TTYH2: variants seen among roughly 807,000 people sequenced by gnomAD.
TTYH2 encodes the protein protein tweety homolog 2.
In TTYH2, 49 loss-of-function variants were observed where a neutral mutation model predicts 68.3. The ratio of observed to expected loss-of-function variants is 0.72; its 90% CI spans 0.57 to 0.91. TTYH2 has a LOEUF of 0.91. Among genes scored for constraint, TTYH2 ranks in the 40% least tolerant of loss-of-function variants. TTYH2 has a pLI of 0.00. For missense variants in TTYH2, 631 were observed against 700.4 expected (o/e 0.90, Z 1.12); for synonymous variants, 272 against 300.8 (o/e 0.90, Z 0.99).
intron 2 of TTYH2, among the ~76,000 whole-genome samples, chr17:74,223,285 T>TGG (rs1555597190): frequency 5.9e-5 from 7 of 117,788 alleles, no homozygotes; most frequent in African/African-American, 2.4e-4. Context: ...GCTTTTTTTT[T>TGG]GGGGGGCGGG....
intron 13 of TTYH2, among the ~76,000 whole-genome samples, chr17:74,254,559 G>A (rs964547517): frequency 1.3e-5 from 2 of 152,206 alleles, no homozygotes; most frequent in Non-Finnish European, 2.9e-5. Context: ...TAAGTGAACT[G>A]TCACTGAGAA....
chr17:74,247,335 C>G (rs79409348), intron 6 of TTYH2, among the ~76,000 whole-genome samples: 2,242 of 152,254 alleles, frequency 0.015, 61 homozygotes, highest in African/African-American at 0.051. Context: ...TGGACCATTT[C>G]GACATGCACA....
Position 74,260,906 on chromosome 17 carries a change from C to T in TTYH2, c.*697C>T, listed in dbSNP as rs2050744253. Reference sequence around the variant, plus strand: ...AAGCCTGCCACATTCCGCCTGTCTCCCTAACCCTCCATTGCCTCGCCTCTA... The same window carrying T: ...AAGCCTGCCACATTCCGCCTGTCTCTCTAACCCTCCATTGCCTCGCCTCTA... On this transcript the variant is annotated 3_prime_UTR_variant, in exon 14 of 14. Transcript: ENST00000269346. 6.5e-6 allele frequency: 1 copy of T among 153,174 alleles called. No individual in the cohort carries two copies. Among genetic ancestry groups the T allele is most frequent in the Non-Finnish European group, 1.5e-5 (1 of 68,446 alleles). 9.5% of individuals were successfully genotyped at this position (153,174 alleles called of 1,614,324 possible). A position where few individuals can be genotyped will look rare whatever the true frequency, so the allele number is the denominator to read the frequency against.
intron 1 of TTYH2, among the ~76,000 whole-genome samples, chr17:74,220,066 A>T (rs1461402960): frequency 1.3e-5 from 2 of 151,490 alleles, no homozygotes; most frequent in East Asian, 3.9e-4. Flanking sequence ...GGCTAGACTC[A>T]AACTCCTGGG....
At chr17:74,251,976 C>T (rs769033499) in intron 10 of TTYH2, 91 of 485,528 alleles carry the variant, frequency 1.9e-4, no homozygotes, top group Admixed American at 3.7e-4. Context: ...CAACCTCCTC[C>T]GCCCTGTTCA....
rs1233949762 is a variant in TTYH2 at position 74,215,005 on chromosome 17, G to A, written c.129+1289G>A. ...AGGACCCCTTCCTGGGGTTCAGTGGGCACTCAGGAGCAAGACGGCAGTCGG... is the reference window on the plus strand; with the variant it reads ...AGGACCCCTTCCTGGGGTTCAGTGGACACTCAGGAGCAAGACGGCAGTCGG... On this transcript the variant is annotated intron_variant, in intron 1 of 13. Coordinates refer to ENST00000269346, the MANE Select transcript of TTYH2 (RefSeq NM_032646.6). The surrounding 1 kb of genome is among the most constrained non-coding windows in gnomAD (Gnocchi z 4.3). Among the ~76,000 whole-genome samples the A allele has an allele frequency of 6.6e-6, 1 of 152,116 alleles. No individual in the cohort carries two copies. The highest frequency in any genetic ancestry group is 1.9e-4 in the East Asian group (1 of 5,182).
At chr17:74,225,555 C>T (rs893842685) in intron 2 of TTYH2, among the ~76,000 whole-genome samples, 2 of 152,096 alleles carry the variant, frequency 1.3e-5, no homozygotes, top group African/African-American at 4.8e-5. Flanking sequence ...ACCGGGTGAC[C>T]GAAGAGCTCA....
intron 2 of TTYH2, among the ~76,000 whole-genome samples, chr17:74,223,913 C>T (rs1352897242): frequency 1.3e-5 from 2 of 152,162 alleles, no homozygotes; most frequent in Non-Finnish European, 2.9e-5. Context: ...CTCACCTAAG[C>T]CAAAACGCAG....
chr17:74,244,878 GTGTGTT>G (rs1567818113), intron 6 of TTYH2, among the ~76,000 whole-genome samples: 1 of 134,800 alleles, frequency 7.4e-6, no homozygotes, highest in Non-Finnish European at 1.6e-5. Context: ...GTGTGTGTGT[GTGTGTT>G]TGTGTGTGTG....
rs760290203 is a variant in TTYH2 at position 74,253,741 on chromosome 17, T to C, written c.1446-14T>C. ...CACACCATCCCCTCCTGAGCTCTCC[T>C]CTCATCCCCGCAGGAACCAAGCCAT... On this transcript the variant is annotated splice_polypyrimidine_tract_variant and intron_variant, in intron 12 of 13. Coordinates refer to ENST00000269346, the MANE Select transcript of TTYH2 (RefSeq NM_032646.6). The C allele has an allele frequency of 3.1e-6, 5 of 1,613,758 alleles. No individual in the cohort carries two copies. The highest frequency in any genetic ancestry group is 4.2e-6 in the Non-Finnish European group (5 of 1,179,938).
At chr17:74,245,992 C>T (rs187669238) in intron 6 of TTYH2, among the ~76,000 whole-genome samples, 95 of 152,232 alleles carry the variant, frequency 6.2e-4, no homozygotes, top group African/African-American at 2.0e-3. Context: ...GAGGGAGCAG[C>T]GGAGCTCCAA....
At position 74,249,015 on chromosome 17, in the gene TTYH2, C is replaced by T; in HGVS notation, c.809C>T (p.Thr270Ile). ...LAADGSAAVA[T>I]SDFCVAPDTF... is the part of the protein sequence containing the mutation. ...GTCCCTCTCTCCCTCACTCAGGCCA[C>T]CAGTGACTTCTGTGTGGCTCCTGAC... The change falls in exon 7 of 14, where the codon ACC (threonine) becomes ATC (isoleucine). Residue 270 changes from threonine (T) to isoleucine (I), a missense_variant. Coordinates refer to ENST00000269346, the MANE Select transcript of TTYH2 (RefSeq NM_032646.6). 1 of 1,614,172 alleles carries T rather than the reference C, an allele frequency of 6.2e-7. No individual in the cohort carries two copies. The highest frequency in any genetic ancestry group is 8.5e-7 in the Non-Finnish European group (1 of 1,180,020).
chr17:74,231,912 C>T (rs1474007430), intron 3 of TTYH2, among the ~76,000 whole-genome samples: 3 of 152,132 alleles, frequency 2.0e-5, no homozygotes, highest in African/African-American at 7.2e-5. Context: ...GAGCCTTTTG[C>T]TGGGGCTGCC....
In TTYH2 at chr17:74,214,243, A is replaced by G. The variant is rs1031605267; in HGVS notation, c.129+527A>G. On this transcript the variant is annotated intron_variant, in intron 1 of 13. Coordinates refer to ENST00000269346, the MANE Select transcript of TTYH2 (RefSeq NM_032646.6). The surrounding 1 kb of genome is among the most constrained non-coding windows in gnomAD (Gnocchi z 4.6). ...CCCCTCCTCCCCAGCCCCGGCCTGC[A>G]GGGTGGGAGTCTCAGCTGGAAGGCT... is the stretch of plus-strand genomic sequence containing the variant. Among the ~76,000 whole-genome samples the G allele has an allele frequency of 1.3e-5, 2 of 152,080 alleles. No homozygotes were observed. Among genetic ancestry groups the G allele is most frequent in the African/African-American group, 4.8e-5 (2 of 41,396 alleles).
At chr17:74,250,507 A>T (rs1315208307) in intron 10 of TTYH2, 150 bp downstream of exon 10, 7 of 663,946 alleles carry the variant, frequency 1.1e-5, no homozygotes, top group Non-Finnish European at 1.8e-5. Context: ...ATGGGAAGGG[A>T]GGGGGTGCCT....
At chr17:74,216,187 C>T (rs552547495) in intron 1 of TTYH2, among the ~76,000 whole-genome samples, 1 of 152,332 alleles carries the variant, frequency 6.6e-6, no homozygotes, top group South Asian at 2.1e-4. Context: ...TGTCTCAGGA[C>T]AGTACCCTGC....
At chr17:74,256,853 A>T (rs1903814) in intron 13 of TTYH2, 41,975 of 152,076 alleles carry the variant, frequency 0.28, 6,509 homozygotes, top group African/African-American at 0.41. Context: ...TTCGCCATGC[A>T]GGCCAGGCTA....
At chr17:74,233,844 C>T (rs1338888842) in intron 3 of TTYH2, among the ~76,000 whole-genome samples, 1 of 152,154 alleles carries the variant, frequency 6.6e-6, no homozygotes, top group Non-Finnish European at 1.5e-5. Flanking sequence ...GCCAGCACGG[C>T]CCCTCCAGGC....
rs907175027 is a variant in TTYH2 at position 74,215,602 on chromosome 17, G to C, written c.129+1886G>C. On this transcript the variant is annotated intron_variant, in intron 1 of 13. Coordinates refer to ENST00000269346, the MANE Select transcript of TTYH2 (RefSeq NM_032646.6). The surrounding 1 kb of genome is among the most constrained non-coding windows in gnomAD (Gnocchi z 4.3). ...ACACCAGCCCTGCCCACTGGCTCCTGGTCCCGCTCACCCCCTCACCACCAC... is the reference window on the plus strand; with the variant it reads ...ACACCAGCCCTGCCCACTGGCTCCTCGTCCCGCTCACCCCCTCACCACCAC... The C allele has an allele frequency of 3.7e-5, 57 of 1,534,288 alleles. No homozygotes were observed. The highest frequency in any genetic ancestry group is 4.8e-5 in the Non-Finnish European group (55 of 1,146,260).
Sources: gnomAD v4.1 joint callset for allele counts (sites outside exome capture counted in the v4.1 genomes callset) on GRCh38, gnomAD v4.1.1 for gene constraint, Gnocchi (gnomAD v3.1) non-coding constraint, MANE v1.5 for transcripts, NCBI Gene and HGNC (gene_info 2026-07-23, HGNC 2026-07-21) for gene names.